AKAP3: variants seen among roughly 807,000 people sequenced by gnomAD.
AKAP3 encodes A-kinase anchoring protein 3.
AKAP3 carries 27 observed loss-of-function variants against 57.2 expected under a neutral mutation model. That is an observed-to-expected ratio of 0.47 (90% CI 0.35 to 0.65). The LOEUF is 0.65. Among genes scored for constraint, AKAP3 ranks in the 30% least tolerant of loss-of-function variants. The pLI, the probability that AKAP3 is intolerant of heterozygous loss-of-function variation, is 0.01. For missense variants in AKAP3, 959 were observed against 1,040.0 expected (o/e 0.92, Z 1.07); for synonymous variants, 334 against 392.3 (o/e 0.85, Z 1.76).
chr12:4,618,202 A>G (rs192937273), intron 5 of AKAP3, among the ~76,000 whole-genome samples: 1 of 152,354 alleles, frequency 6.6e-6, no homozygotes, highest in East Asian at 1.9e-4. Flanking sequence ...GACAAAAAAT[A>G]TAACCCAAGT....
intron 4 of AKAP3, among the ~76,000 whole-genome samples, chr12:4,637,508 C>T (rs1164233451): frequency 6.6e-6 from 1 of 152,050 alleles, no homozygotes; most frequent in Non-Finnish European, 1.5e-5. Context: ...TCCTAGAGTC[C>T]TCTTTTATGC....
chr12:4,648,526 AC>A (rs1945726494), intron 1 of AKAP3: 2 of 152,288 alleles, frequency 1.3e-5, no homozygotes, highest in African/African-American at 4.8e-5. Context: ...TGGTGCAGAC[AC>A]CTGAGTGTGC....
intron 4 of AKAP3, among the ~76,000 whole-genome samples, chr12:4,636,523 T>C (rs1342577424): frequency 6.6e-6 from 1 of 152,270 alleles, no homozygotes; most frequent in Non-Finnish European, 1.5e-5. Context: ...ATCTGCCTTT[T>C]GTTTCTCCAA....
At position 4,615,595 on chromosome 12, in the gene AKAP3, A is replaced by G; in HGVS notation, c.*144T>C. The G allele has an allele frequency of 9.4e-7, 1 of 1,067,226 alleles. No individual in the cohort carries two copies. The highest frequency in any genetic ancestry group is 1.3e-6 in the Non-Finnish European group (1 of 764,788). 66.1% of individuals were successfully genotyped at this position (1,067,226 alleles called of 1,614,324 possible). On this transcript the variant is annotated 3_prime_UTR_variant, in exon 6 of 6. Transcript: ENST00000228850. ...TGCAAAATCCAGTGGCTAGCACAAG[A>G]TGACATGTCTTTGATGAGAGTGGTG...
intron 4 of AKAP3, among the ~76,000 whole-genome samples, chr12:4,634,647 G>C (rs1035953467): frequency 2.0e-5 from 3 of 151,818 alleles, no homozygotes; most frequent in Admixed American, 2.0e-4. Context: ...TCACATGTTT[G>C]AAAGGAACAC....
rs1336560899 is a variant in AKAP3 at position 4,615,630 on chromosome 12, T to C, written c.*109A>G. On this transcript the variant is annotated 3_prime_UTR_variant, in exon 6 of 6. Transcript: ENST00000228850. Reference sequence around the variant, plus strand: ...TTTGATGAGAGTGGTGTGAAGATAATGTTAGGGCTCTGTGAGGATATAGAG... The same window carrying C: ...TTTGATGAGAGTGGTGTGAAGATAACGTTAGGGCTCTGTGAGGATATAGAG... 2.1e-5 allele frequency: 29 copies of C among 1,354,268 alleles called. No homozygotes were observed. Among genetic ancestry groups the C allele is most frequent in the Non-Finnish European group, 2.5e-5 (25 of 985,884 alleles). The allele number at this position is 1,354,268 out of a possible 1,614,324, so 83.9% of individuals were successfully genotyped here.
chr12:4,619,302 T>C (rs1025503285), intron 5 of AKAP3, among the ~76,000 whole-genome samples: 1 of 152,176 alleles, frequency 6.6e-6, no homozygotes, highest in African/African-American at 2.4e-5. Flanking sequence ...CTCATGCCTG[T>C]TTTCCTGGCA....
intron 5 of AKAP3, among the ~76,000 whole-genome samples, chr12:4,621,862 T>A (rs1265137333): frequency 6.6e-6 from 1 of 152,198 alleles, no homozygotes; most frequent in Non-Finnish European, 1.5e-5. Context: ...TCATATTTGA[T>A]GACATTTGTA....
intron 5 of AKAP3, among the ~76,000 whole-genome samples, chr12:4,624,822 G>GTGTGTGTGTGTGTGTGTATGTA (rs1467904888): frequency 2.7e-5 from 4 of 147,316 alleles, no homozygotes; most frequent in African/African-American, 1.0e-4. Flanking sequence ...GTGTGTGTGT[G>GTGTGTGTGTGTGTGTGTATGTA]TGTATATAAA....
intron 1 of AKAP3, chr12:4,645,643 A>G (rs1346148463): frequency 6.6e-6 from 1 of 152,048 alleles, no homozygotes; most frequent in Non-Finnish European, 1.5e-5. Context: ...TTTCCACAAT[A>G]GGGTTCAAGC....
chr12:4,629,517 T>C (rs1482021004), intron 4 of AKAP3, among the ~76,000 whole-genome samples: 3 of 151,982 alleles, frequency 2.0e-5, no homozygotes, highest in Admixed American at 6.6e-5. Context: ...CAAGGAAAAA[T>C]AACTAATGGG....
Position 4,628,491 on chromosome 12 carries a change from G to A in AKAP3, c.411C>T (p.Ala137=), listed in dbSNP as rs1430195598. The change falls in exon 5 of 6, where the codon GCC becomes GCT. Residue 137 remains alanine (A), a synonymous_variant. Coordinates refer to ENST00000228850, the MANE Select transcript of AKAP3 (RefSeq NM_001278309.2). ...TCTCATTGATCTCTTTGCGGGCCAT[G>A]GCTATGACTAGATTCGTGAGGCGGT... The part of the protein sequence containing the change: ...YANRLTNLVI[A]MARKEINEKI... 10 of 1,614,068 alleles carry A rather than the reference G, an allele frequency of 6.2e-6. No homozygotes were observed. The highest frequency in any genetic ancestry group is 2.2e-5 in the East Asian group (1 of 44,900).
Position 4,630,491 on chromosome 12 carries a change from T to C in AKAP3, c.97-1686A>G, listed in dbSNP as rs115911593. 9.1e-3 allele frequency among the ~76,000 whole-genome samples: 1,381 copies of C among 152,258 alleles called. 19 individuals carry two copies. Among genetic ancestry groups the C allele is most frequent in the African/African-American group, 0.031 (1,292 of 41,552 alleles). On this transcript the variant is annotated intron_variant, in intron 4 of 5. Transcript: ENST00000228850. Reference sequence around the variant, plus strand: ...AGAAAAGAAAAGAAAAGAAAAGCAGTTGTGCTAGTTGTCTGCAGGACTGGT... The same window carrying C: ...AGAAAAGAAAAGAAAAGAAAAGCAGCTGTGCTAGTTGTCTGCAGGACTGGT...
intron 4 of AKAP3, among the ~76,000 whole-genome samples, chr12:4,633,604 T>A (rs1395813123): frequency 6.6e-6 from 1 of 151,932 alleles, no homozygotes; most frequent in African/African-American, 2.4e-5. Context: ...ACAACTATAG[T>A]ATTCTGAGCA....
intron 4 of AKAP3, among the ~76,000 whole-genome samples, chr12:4,632,571 A>C (rs969690812): frequency 6.6e-6 from 1 of 152,108 alleles, no homozygotes; most frequent in African/African-American, 2.4e-5. Flanking sequence ...CCTGGTGGAG[A>C]GTGTTTCTTA....
chr12:4,636,695 T>C (rs1945569992), intron 4 of AKAP3, among the ~76,000 whole-genome samples: 1 of 152,228 alleles, frequency 6.6e-6, no homozygotes, highest in Admixed American at 6.5e-5. Context: ...TTTGGACAAA[T>C]AGAAGAAGAT....
In AKAP3 at chr12:4,628,162, T is replaced by A; in HGVS notation, c.740A>T (p.Glu247Val). Residue 247 changes from glutamate to valine, a missense_variant, in exon 5 of 6, where the codon GAA becomes GTA. Coordinates refer to ENST00000228850, the MANE Select transcript of AKAP3 (RefSeq NM_001278309.2). ...KKSFFYKEVF[E>V]SRNGDYAREG... is the part of the protein sequence containing the mutation. Reference sequence around the variant, plus strand: ...TCTGGCATAATCTCCATTACGAGATTCAAACACTTCCTTATAGAAGAAAGA... The same window carrying A: ...TCTGGCATAATCTCCATTACGAGATACAAACACTTCCTTATAGAAGAAAGA... 6.2e-7 allele frequency: 1 copy of A among 1,614,184 alleles called. No individual in the cohort carries two copies.
At chr12:4,636,130 C>T (rs79251030) in intron 4 of AKAP3, 13 of 920,700 alleles carry the variant, frequency 1.4e-5, no homozygotes, top group Admixed American at 5.4e-5. Flanking sequence ...AGTATTTGAG[C>T]CATAGGGTCT....
chr12:4,624,304 T>C (rs1186060118), intron 5 of AKAP3, among the ~76,000 whole-genome samples: 1 of 147,184 alleles, frequency 6.8e-6, no homozygotes, highest in Non-Finnish European at 1.5e-5. Flanking sequence ...AAAATAATAA[T>C]TTGTGACTTT....
Sources: gnomAD v4.1 joint callset for allele counts (sites outside exome capture counted in the v4.1 genomes callset) on GRCh38, gnomAD v4.1.1 for gene constraint, MANE v1.5 for transcripts, NCBI Gene and HGNC (gene_info 2026-07-23, HGNC 2026-07-21) for gene names.